Variants in S100PBP observed in about 807,000 individuals in gnomAD.
S100PBP encodes S100P-binding protein.
A neutral mutation model predicts 39.9 loss-of-function variants in S100PBP; 15 were observed. That is an observed-to-expected ratio of 0.38 (90% CI 0.25 to 0.58). The LOEUF is 0.58. Among genes scored for constraint, S100PBP ranks in the 20% least tolerant of loss-of-function variants. The probability of loss-of-function intolerance (pLI) is 0.70; values close to 1 mark genes in which losing one functional copy is unlikely to be tolerated. For missense variants in S100PBP, 504 were observed against 487.3 expected (o/e 1.03, Z -0.32); for synonymous variants, 178 against 180.3 (o/e 0.99, Z 0.10).
rs1030642209 is a variant in S100PBP, at chr1:32,825,414, C to G, written c.-18C>G. 2 of 152,184 alleles carry G rather than the reference C, an allele frequency of 1.3e-5. No individual in the cohort carries two copies. Among genetic ancestry groups the G allele is most frequent in the African/African-American group, 4.8e-5 (2 of 41,434 alleles). The allele number at this position is 152,184 out of a possible 1,614,324, so 9.4% of individuals were successfully genotyped here. On this transcript the variant is annotated 5_prime_UTR_variant, in exon 2 of 7. Transcript: ENST00000373475. ...TCTCGTGGCAAAGGCAGAGATTGCTCCAGCAGCTCCACACAGTATGGAAGA... is the reference window on the plus strand; with the variant it reads ...TCTCGTGGCAAAGGCAGAGATTGCTGCAGCAGCTCCACACAGTATGGAAGA...
chr1:32,838,034 T>TG (rs1639909930), intron 5 of S100PBP, among the ~76,000 whole-genome samples: 2 of 151,996 alleles, frequency 1.3e-5, no homozygotes, highest in Admixed American at 1.3e-4. Flanking sequence ...ACGGTAGGTG[T>TG]GTGTTTAACT....
intron 5 of S100PBP, among the ~76,000 whole-genome samples, chr1:32,845,678 A>G (rs1462165818): frequency 7.0e-6 from 1 of 142,310 alleles, no homozygotes; most frequent in Admixed American, 7.0e-5. Context: ...ATATGTTTTC[A>G]TTTTCTTTTT....
chr1:32,856,205 A>AT lies in S100PBP; in HGVS notation c.*174dup. The AT allele has an allele frequency of 2.2e-6, 1 of 456,610 alleles. No individual in the cohort carries two copies. The highest frequency in any genetic ancestry group is 2.7e-5 in the South Asian group (1 of 37,442). The allele number at this position is 456,610 out of a possible 1,614,324, so 28.3% of individuals were successfully genotyped here. On this transcript the variant is annotated 3_prime_UTR_variant, in exon 7 of 7. Coordinates refer to ENST00000373475, the MANE Select transcript of S100PBP (RefSeq NM_022753.4). ...TTGGAAATGCCCATTGCCGACTTGAATTTTTTTGTATGAAGTCCCTCCTGA... is the reference window on the plus strand; with the variant it reads ...TTGGAAATGCCCATTGCCGACTTGAATTTTTTTTGTATGAAGTCCCTCCTGA...
At chr1:32,838,333 CAAAAAAAAA>C (rs770251816) in intron 5 of S100PBP, among the ~76,000 whole-genome samples, 8 of 67,876 alleles carry the variant, frequency 1.2e-4, no homozygotes, top group Admixed American at 1.1e-3. Context: ...GACTCTGTCT[CAAAAAAAAA>C]AAAAAAAAAA....
chr1:32,825,929 C>T (rs1189437493), intron 2 of S100PBP, among the ~76,000 whole-genome samples, 169 bp from the exon 3 acceptor site: 4 of 152,180 alleles, frequency 2.6e-5, no homozygotes, highest in African/African-American at 7.2e-5. Flanking sequence ...ATTGTTCTAA[C>T]GTGTATTTCC....
At chr1:32,852,994 T>C (rs565540086) in intron 5 of S100PBP, 85 bp from the exon 6 acceptor site, 1 of 901,102 alleles carries the variant, frequency 1.1e-6, no homozygotes, top group Admixed American at 1.8e-5. Context: ...GTGCCTGTTT[T>C]CTCTTTCCCT....
Position 32,826,157 on chromosome 1 carries a change from G to C in S100PBP, c.58G>C (p.Asp20His), listed in dbSNP as rs1216953685. The change falls in exon 3 of 7, where the codon GAC (aspartate) becomes CAC (histidine). Residue 20 changes from aspartate to histidine, a missense_variant. Transcript: ENST00000373475. ...TTCTGGTACCTCTCTCTTGCCTAAA[G>C]ACGGTGCCCCATTTTCTTGGGATTC... is the stretch of plus-strand genomic sequence containing the variant. ...QSSGTSLLPK[D>H]GAPFSWDSLD... The C allele has an allele frequency of 6.2e-7, 1 of 1,614,016 alleles. No individual in the cohort carries two copies. The highest frequency in any genetic ancestry group is 1.3e-5 in the African/African-American group (1 of 74,920).
Position 32,826,111 on chromosome 1 carries a change from A to G in S100PBP, c.12A>G (p.Ser4=). ...TTATTTCTCCAGAAATGATGTGCTC[A>G]CGGGTGCCCTCTGAACAGTCTTCTG... MMC[S]RVPSEQSSGT... Residue 4 remains serine, a synonymous_variant, in exon 3 of 7, where the codon TCA becomes TCG. Coordinates refer to ENST00000373475, the MANE Select transcript of S100PBP (RefSeq NM_022753.4). 1 of 1,609,250 alleles carries G rather than the reference A, an allele frequency of 6.2e-7. No homozygotes were observed.
chr1:32,831,535 A>G (rs1165482755), intron 5 of S100PBP, among the ~76,000 whole-genome samples: 2 of 152,152 alleles, frequency 1.3e-5, no homozygotes, highest in African/African-American at 2.4e-5. Flanking sequence ...TTATAAGATT[A>G]TGATGAGACA....
chr1:32,817,048 T>G (rs1174501460), upstream of S100PBP: 8 of 1,082,088 alleles, frequency 7.4e-6, no homozygotes, highest in Non-Finnish European at 7.0e-6. Context: ...CGACCAGCAG[T>G]GAGATCTACA....
upstream of S100PBP, chr1:32,817,332 C>T (rs548697180): frequency 1.9e-5 from 29 of 1,555,054 alleles, no homozygotes; most frequent in African/African-American, 2.6e-4. Flanking sequence ...GGAACTGTCA[C>T]GCGAGTCCAG....
intron 1 of S100PBP, among the ~76,000 whole-genome samples, chr1:32,824,324 T>C (rs1418779342): frequency 6.6e-6 from 1 of 152,190 alleles, no homozygotes; most frequent in Non-Finnish European, 1.5e-5. Context: ...TCCAAATTTT[T>C]GAGTTCAGTA....
chr1:32,826,281 T>G lies in S100PBP; in HGVS notation c.182T>G (p.Leu61Arg). 5 of 1,614,112 alleles carry G rather than the reference T, an allele frequency of 3.1e-6. No individual in the cohort carries two copies. Among genetic ancestry groups the G allele is most frequent in the Non-Finnish European group, 2.5e-6 (3 of 1,180,010 alleles). ...VNYTEEEIDA[L>R]LKEDDPSYEQ... ...TACACAGAGGAAGAGATTGATGCAC[T>G]GTTGAAGGAAGATGACCCATCATAT... Residue 61 changes from leucine (L) to arginine (R), a missense_variant, in exon 3 of 7, where the codon CTG (leucine) becomes CGG (arginine). Physicochemically the swap from Leu to Arg is moderately radical, Grantham distance 102. Coordinates refer to ENST00000373475, the MANE Select transcript of S100PBP (RefSeq NM_022753.4).
At chr1:32,823,305 A>G (rs1399527460) in intron 1 of S100PBP, among the ~76,000 whole-genome samples, 1 of 152,216 alleles carries the variant, frequency 6.6e-6, no homozygotes, top group Non-Finnish European at 1.5e-5. Flanking sequence ...AAGTCAAAGA[A>G]TGTTTTCCAT....
At chr1:32,829,285 T>C (rs1639481457) in intron 4 of S100PBP, among the ~76,000 whole-genome samples, 1 of 152,188 alleles carries the variant, frequency 6.6e-6, no homozygotes, top group Non-Finnish European at 1.5e-5. Context: ...GATGGCCAGA[T>C]CTAGTGATTC....
chr1:32,852,149 C>A (rs1640635950), intron 5 of S100PBP, among the ~76,000 whole-genome samples: 1 of 151,970 alleles, frequency 6.6e-6, no homozygotes, highest in South Asian at 2.1e-4. Context: ...CCCATCTCTA[C>A]TAAAAATATA....
At chr1:32,839,107 C>T (rs926186380) in intron 5 of S100PBP, among the ~76,000 whole-genome samples, 3 of 152,148 alleles carry the variant, frequency 2.0e-5, no homozygotes, top group Non-Finnish European at 4.4e-5. Flanking sequence ...ATCCATAGCT[C>T]TATACCCATT....
intron 5 of S100PBP, among the ~76,000 whole-genome samples, chr1:32,842,213 A>ATG (rs1640135870): frequency 5.7e-5 from 3 of 52,702 alleles, no homozygotes; most frequent in Non-Finnish European, 1.1e-4. Context: ...ACATATATAT[A>ATG]TATATATGTA....
chr1:32,858,860 A>G lies in S100PBP; in HGVS notation c.*2822A>G, dbSNP rs1393764584. 6.6e-6 allele frequency: 1 copy of G among 151,870 alleles called. No homozygotes were observed. Among genetic ancestry groups the G allele is most frequent in the Non-Finnish European group, 1.5e-5 (1 of 68,010 alleles). The allele number at this position is 151,870 out of a possible 1,614,324, so 9.4% of individuals were successfully genotyped here. ...TTTAATGTCATTAAAAAGAAATAAA[A>G]GTTCTTTGTCAGTGACATATGTACT... is the stretch of plus-strand genomic sequence containing the variant. On this transcript the variant is annotated 3_prime_UTR_variant, in exon 7 of 7. Coordinates refer to ENST00000373475, the MANE Select transcript of S100PBP (RefSeq NM_022753.4).
Sources: gnomAD v4.1 joint callset for allele counts (sites outside exome capture counted in the v4.1 genomes callset) on GRCh38, gnomAD v4.1.1 for gene constraint, MANE v1.5 for transcripts, NCBI Gene and HGNC (gene_info 2026-07-23, HGNC 2026-07-21) for gene names.